C12orf42: variants seen among roughly 807,000 people sequenced by gnomAD.
C12orf42 encodes uncharacterized protein C12orf42.
A neutral mutation model predicts 21.6 loss-of-function variants in C12orf42; 25 were observed. The observed-to-expected ratio is 1.16, with a 90% confidence interval of 0.84 to 1.62. The LOEUF (loss-of-function observed/expected upper bound fraction) is 1.62. C12orf42 is among the 40% of genes most tolerant of loss of function. The probability of loss-of-function intolerance (pLI) is 0.00; values close to 1 mark genes in which losing one functional copy is unlikely to be tolerated. For missense variants in C12orf42, 483 were observed against 459.3 expected, an observed-to-expected ratio of 1.05 and a Z score of -0.47; for synonymous variants, 174 against 175.0, an observed-to-expected ratio of 0.99 and a Z score of 0.05.
At chr12:103,453,163 T>G (rs1272808427) in intron 2 of C12orf42, among the ~76,000 whole-genome samples, 1 of 152,110 alleles carries the variant, frequency 6.6e-6, no homozygotes, top group Non-Finnish European at 1.5e-5. Context: ...GTTAACTCCC[T>G]GTTAATGGAC....
At chr12:103,408,654 G>A (rs1192123653) in intron 2 of C12orf42, among the ~76,000 whole-genome samples, 1 of 152,168 alleles carries the variant, frequency 6.6e-6, no homozygotes, top group East Asian at 1.9e-4. Flanking sequence ...AAGCCCAAGA[G>A]TAACAATGGG....
intron 3 of C12orf42, among the ~76,000 whole-genome samples, chr12:103,386,556 T>A (rs2046625348): frequency 6.6e-6 from 1 of 152,208 alleles, no homozygotes; most frequent in Non-Finnish European, 1.5e-5. Context: ...CCACTGGCAG[T>A]CTTCCTGAAA....
chr12:103,072,351 C>G, the C12orf42 span, among the ~76,000 whole-genome samples: 2 of 151,856 alleles, frequency 1.3e-5, no homozygotes, highest in African/African-American at 4.8e-5. Flanking sequence ...TCCCTTTAAA[C>G]AGACAGAAGA....
chr12:103,462,085 T>G (rs1010074198), intron 2 of C12orf42, among the ~76,000 whole-genome samples: 1 of 144,590 alleles, frequency 6.9e-6, no homozygotes, highest in Admixed American at 7.1e-5. Flanking sequence ...TTTTGTTTTG[T>G]TTTTTGCTTG....
the C12orf42 span, among the ~76,000 whole-genome samples, chr12:103,148,377 C>T: frequency 6.6e-6 from 1 of 152,126 alleles, no homozygotes; most frequent in Non-Finnish European, 1.5e-5. Context: ...TTCAAGCCAC[C>T]CCCATAGTTC....
At chr12:103,273,128 C>A (rs2035565238) in intron 5 of C12orf42, among the ~76,000 whole-genome samples, 1 of 152,176 alleles carries the variant, frequency 6.6e-6, no homozygotes, top group African/African-American at 2.4e-5. Context: ...ATTAGTCATT[C>A]TTCCTATGCC....
chr12:103,405,552 A>G (rs1349629731), intron 2 of C12orf42, among the ~76,000 whole-genome samples: 2 of 152,186 alleles, frequency 1.3e-5, no homozygotes, highest in Admixed American at 6.5e-5. Flanking sequence ...ACCTCTTTCC[A>G]TCTGACAAAT....
At chr12:103,268,758 T>C (rs1050268685) in exon 7 of C12orf42, 4 of 152,152 alleles carry the variant, frequency 2.6e-5, no homozygotes, top group African/African-American at 7.2e-5. Context: ...GGTTTGATTA[T>C]ATTAACAATA....
rs974463975 is a variant in C12orf42, at chr12:103,253,324, T to G, written c.*1366+10002A>C. Among the ~76,000 whole-genome samples, 13 of 152,216 alleles carry G rather than the reference T, an allele frequency of 8.5e-5. No individual in the cohort carries two copies. The East Asian group carries it at 1.7e-3, about 20-fold the overall frequency. ...GTTCTATTTGAAATTTAAAGTAGTT[T>G]TTTTCTAATTCTGTGAAGAAAGTCA... is the stretch of plus-strand genomic sequence containing the variant. On this transcript the variant is annotated intron_variant and NMD_transcript_variant, in intron 10 of 10. Transcript: ENST00000547347.
At chr12:103,239,202 G>A (rs1054719764) in intron 10 of C12orf42, among the ~76,000 whole-genome samples, 1 of 152,118 alleles carries the variant, frequency 6.6e-6, no homozygotes, top group African/African-American at 2.4e-5. Flanking sequence ...TTAAAATACT[G>A]CTTAAAACAC....
chr12:103,335,176 T>C (rs1160793217), intron 4 of C12orf42, among the ~76,000 whole-genome samples: 2 of 152,258 alleles, frequency 1.3e-5, no homozygotes, highest in African/African-American at 4.8e-5. Context: ...TCAGTCCATA[T>C]AAAGATTGGG....
At chr12:103,059,587 T>G in the C12orf42 span, among the ~76,000 whole-genome samples, 3,407 of 152,310 alleles carry the variant, frequency 0.022, 56 homozygotes, top group African/African-American at 0.044. Flanking sequence ...AGGAAAATAC[T>G]GGCAAACTGA....
At chr12:103,318,395 A>G (rs1003085064) in intron 4 of C12orf42, among the ~76,000 whole-genome samples, 1 of 152,162 alleles carries the variant, frequency 6.6e-6, no homozygotes, top group Non-Finnish European at 1.5e-5. Context: ...GGGTGTGCAT[A>G]TCTTCAATCT....
intron 4 of C12orf42, among the ~76,000 whole-genome samples, chr12:103,281,051 T>C (rs1003186906): frequency 3.9e-5 from 6 of 152,260 alleles, no homozygotes; most frequent in Non-Finnish European, 8.8e-5. Context: ...GAAGTTTACA[T>C]AGAAATAAAA....
the C12orf42 span, among the ~76,000 whole-genome samples, chr12:103,183,393 T>C: frequency 6.6e-6 from 1 of 152,266 alleles, no homozygotes; most frequent in Non-Finnish European, 1.5e-5. Flanking sequence ...GCTCTCTTTT[T>C]AATAGATGTA....
At chr12:103,416,327 T>G (rs560238873) in intron 2 of C12orf42, among the ~76,000 whole-genome samples, 1 of 152,120 alleles carries the variant, frequency 6.6e-6, no homozygotes, top group African/African-American at 2.4e-5. Flanking sequence ...CCAAAAGGTT[T>G]AGTGCATTAT....
intron 4 of C12orf42, among the ~76,000 whole-genome samples, chr12:103,283,859 T>G (rs1202250425): frequency 6.6e-6 from 1 of 152,196 alleles, no homozygotes; most frequent in Non-Finnish European, 1.5e-5. Flanking sequence ...AGCTAGGGAA[T>G]AGCCTGTCTC....
intron 4 of C12orf42, among the ~76,000 whole-genome samples, chr12:103,279,070 T>C (rs939006911): frequency 1.3e-5 from 2 of 152,256 alleles, no homozygotes; most frequent in African/African-American, 4.8e-5. Flanking sequence ...CTTTTAAGGC[T>C]GAATAATATT....
intron 4 of C12orf42, among the ~76,000 whole-genome samples, chr12:103,335,832 C>T (rs941079225): frequency 2.6e-5 from 4 of 152,174 alleles, no homozygotes; most frequent in African/African-American, 9.7e-5. Flanking sequence ...TTTAATGAGA[C>T]AGCCAAGAAG....
Sources: allele counts gnomAD v4.1 joint callset (sites outside exome capture counted in the v4.1 genomes callset), GRCh38; gene constraint gnomAD v4.1.1; transcripts MANE v1.5; gene names NCBI Gene and HGNC (gene_info 2026-07-23, HGNC 2026-07-21).